The following SIGLEC6 variants were observed in gnomAD, a reference collection of about 807,000 sequenced individuals.
SIGLEC6 encodes sialic acid binding Ig like lectin 6.
In SIGLEC6, 31 loss-of-function variants were observed where a neutral mutation model predicts 41.4. The ratio of observed to expected loss-of-function variants is 0.75; its 90% CI spans 0.56 to 1.01. SIGLEC6 has a LOEUF of 1.01. Among genes scored for constraint, SIGLEC6 ranks in the 50% least tolerant of loss-of-function variants. The pLI is 0.00. For synonymous variants in SIGLEC6, 217 were observed against 231.0 expected (o/e 0.94, Z 0.55); for missense variants, 555 against 558.6 (o/e 0.99, Z 0.06).
In SIGLEC6 at chr19:51,520,026, A is replaced by G. The variant is rs1444050580; in HGVS notation, c.*56T>C. On this transcript the variant is annotated 3_prime_UTR_variant, in exon 8 of 8. Coordinates refer to ENST00000425629, the MANE Select transcript of SIGLEC6 (RefSeq NM_001245.7). ...ATTGCTGTGGCAGCCCTAGTAACCAATACACTGAGAGGTACCATGTTCTCT... is the reference window on the plus strand; with the variant it reads ...ATTGCTGTGGCAGCCCTAGTAACCAGTACACTGAGAGGTACCATGTTCTCT... 1 of 1,434,868 alleles carries G rather than the reference A, an allele frequency of 7.0e-7. No homozygotes were observed. Among genetic ancestry groups the G allele is most frequent in the African/African-American group, 1.4e-5 (1 of 71,816 alleles). The allele number at this position is 1,434,868 out of a possible 1,614,324, so 88.9% of individuals were successfully genotyped here.
intron 7 of SIGLEC6, among the ~76,000 whole-genome samples, chr19:51,524,479 A>C (rs998617731): frequency 1.3e-5 from 2 of 152,266 alleles, no homozygotes; most frequent in African/African-American, 4.8e-5. Context: ...ATTTAACAAA[A>C]TAAATTGTAA....
chr19:51,528,204 A>C lies in SIGLEC6; in HGVS notation c.1062T>G (p.Ala354=). The C allele has an allele frequency of 1.2e-6, 2 of 1,614,064 alleles. No individual in the cohort carries two copies. The highest frequency in any genetic ancestry group is 1.3e-5 in the African/African-American group (1 of 74,990). The change falls in exon 6 of 8, where the codon GCT becomes GCG. Residue 354 remains alanine (A), a synonymous_variant. Coordinates refer to ENST00000425629, the MANE Select transcript of SIGLEC6 (RefSeq NM_001245.7). ...AGGVLGAVWG[A]SITTLVFLCV... ...AGAGGAAAACCAGGGTTGTGATGCT[A>C]GCTCCCCAGACTGCTCCCAGGACAC...
chr19:51,524,783 C>T (rs749903132), intron 7 of SIGLEC6, among the ~76,000 whole-genome samples: 6 of 152,242 alleles, frequency 3.9e-5, no homozygotes, highest in East Asian at 1.9e-4. Context: ...CAGAAGGACA[C>T]GTTGACATTC....
intron 7 of SIGLEC6, among the ~76,000 whole-genome samples, chr19:51,521,551 G>A (rs948983396): frequency 6.6e-6 from 1 of 152,176 alleles, no homozygotes; most frequent in Non-Finnish European, 1.5e-5. Context: ...AATTTCTGCA[G>A]GAGAAATGAC....
In SIGLEC6 at chr19:51,531,364, G is replaced by C; in HGVS notation, c.223C>G (p.Pro75Ala). Residue 75 changes from proline to alanine, a missense_variant, in exon 2 of 8, where the codon CCA becomes GCA. Pro to Ala is a conservative substitution (Grantham distance 27). Coordinates refer to ENST00000425629, the MANE Select transcript of SIGLEC6 (RefSeq NM_001245.7). ...TCGTCTGGGTCGTTTGTGGCCACTG[G>C]AACATCAGCCCCTTCCAGGAACCAG... The part of the protein sequence containing the change: ...GYWFLEGADV[P>A]VATNDPDEEV... 1 of 1,614,166 alleles carries C rather than the reference G, an allele frequency of 6.2e-7. No individual in the cohort carries two copies. Among genetic ancestry groups the C allele is most frequent in the South Asian group, 1.1e-5 (1 of 91,086 alleles).
chr19:51,519,541 T>G lies in SIGLEC6; in HGVS notation c.*541A>C, dbSNP rs1219316432. The stretch of plus-strand genomic sequence containing the variant: ...TGCTCAATAGCTGGCATAGATGGAG[T>G]TGAACTCAGTTCTCTTGGACAGAAG... On this transcript the variant is annotated 3_prime_UTR_variant, in exon 8 of 8. Transcript: ENST00000425629. 6.6e-6 allele frequency: 1 copy of G among 151,992 alleles called. No individual in the cohort carries two copies. Among genetic ancestry groups the G allele is most frequent in the Non-Finnish European group, 1.5e-5 (1 of 68,000 alleles). 9.4% of individuals were successfully genotyped at this position (151,992 alleles called of 1,614,324 possible).
intron 7 of SIGLEC6, among the ~76,000 whole-genome samples, chr19:51,524,041 T>G (rs1978777093): frequency 6.6e-6 from 1 of 151,528 alleles, no homozygotes; most frequent in Admixed American, 6.6e-5. Flanking sequence ...AAAGTAGTAA[T>G]ATTTTAAAAC....
rs1014259848 is a variant in SIGLEC6, at chr19:51,519,092, A to G, written c.*990T>C. 7.9e-5 allele frequency among the ~76,000 whole-genome samples: 12 copies of G among 151,982 alleles called. No individual in the cohort carries two copies. The highest frequency in any genetic ancestry group is 1.2e-4 in the African/African-American group (5 of 41,360). ...GGGCAGATCACGAGGTCAGGAGATC[A>G]AGACCATCCTGGCTAACACGGTGAA... On this transcript the variant is annotated 3_prime_UTR_variant, in exon 8 of 8. Transcript: ENST00000425629.
At chr19:51,525,718 C>T (rs2122370932) in intron 7 of SIGLEC6, among the ~76,000 whole-genome samples, 1 of 152,334 alleles carries the variant, frequency 6.6e-6, no homozygotes, top group Admixed American at 6.5e-5. Context: ...AGTCTCGCTT[C>T]CCTGTGGGAC....
At chr19:51,520,328 G>T in intron 7 of SIGLEC6, 73 bp from the exon 8 acceptor site, 1 of 946,728 alleles carries the variant, frequency 1.1e-6, no homozygotes, top group South Asian at 2.9e-5. Context: ...GATCAGAAAG[G>T]GAGTAGAACT....
At position 51,518,244 on chromosome 19, in the gene SIGLEC6, C is replaced by G. The variant is rs6509548; in HGVS notation, c.*1838G>C. ...TAAAACAACATTTATTTCTCTTAAG[C>G]CATCAAAGACATCTTTCTATTGCAT... On this transcript the variant is annotated 3_prime_UTR_variant, in exon 8 of 8. Transcript: ENST00000425629. Among the ~76,000 whole-genome samples the G allele has an allele frequency of 0.82, 125,544 of 152,210 alleles. 52,381 individuals carry two copies. Among genetic ancestry groups the G allele is most frequent in the African/African-American group, 0.93 (38,532 of 41,558 alleles).
Position 51,529,753 on chromosome 19 carries a change from A to C in SIGLEC6, c.983T>G (p.Leu328Arg), listed in dbSNP as rs757475481. ...TCRAQHPLGS[L>R]QISLSLFVHW... ...CACAAAGAGACTCAGAGAGATTTGC[A>C]GGGAGCCCAGAGGATGCTGAGCACG... Residue 328 changes from leucine (L) to arginine (R), a missense_variant, in exon 5 of 8, where the codon CTG becomes CGG. Physicochemically the swap from Leu to Arg is moderately radical, Grantham distance 102. Coordinates refer to ENST00000425629, the MANE Select transcript of SIGLEC6 (RefSeq NM_001245.7). The C allele has an allele frequency of 6.2e-7, 1 of 1,614,050 alleles. No homozygotes were observed. The highest frequency in any genetic ancestry group is 2.2e-5 in the East Asian group (1 of 44,888).
rs1024800002 is a variant in SIGLEC6 at position 51,518,991 on chromosome 19, C to T, written c.*1091G>A. On this transcript the variant is annotated 3_prime_UTR_variant, in exon 8 of 8. Transcript: ENST00000425629. ...CTTAGAAGAAATTGCCAGCAGAAAC[C>T]GTCTGTTAAAACAGCTAATCAAAGC... is the stretch of plus-strand genomic sequence containing the variant. 2.6e-5 allele frequency among the ~76,000 whole-genome samples: 4 copies of T among 152,084 alleles called. No homozygotes were observed. The highest frequency in any genetic ancestry group is 1.3e-4 in the Admixed American group (2 of 15,272).
chr19:51,523,116 G>A (rs1367176962), intron 7 of SIGLEC6, among the ~76,000 whole-genome samples: 1 of 152,084 alleles, frequency 6.6e-6, no homozygotes, highest in Non-Finnish European at 1.5e-5. Flanking sequence ...CTCCAGCCTG[G>A]GCGACAGAGT....
At chr19:51,528,998 T>C (rs1979712197) in intron 5 of SIGLEC6, among the ~76,000 whole-genome samples, 1 of 18,526 alleles carries the variant, frequency 5.4e-5, no homozygotes, top group Non-Finnish European at 1.1e-4. Flanking sequence ...TGAGACCCTC[T>C]CTCAAAAAAA....
At position 51,518,051 on chromosome 19, in the gene SIGLEC6, T is replaced by C. The variant is rs1990660073; in HGVS notation, c.*2031A>G. On this transcript the variant is annotated 3_prime_UTR_variant, in exon 8 of 8. Transcript: ENST00000425629. ...TACTTTCCTAGGTTTTCATTTTTTT[T>C]GGATCTCAAAAATCTAATCTGGGAT... Among the ~76,000 whole-genome samples, 1 of 152,326 alleles carries C rather than the reference T, an allele frequency of 6.6e-6. No individual in the cohort carries two copies. Among genetic ancestry groups the C allele is most frequent in the East Asian group, 1.9e-4 (1 of 5,188 alleles).
Position 51,519,205 on chromosome 19 carries a change from G to T in SIGLEC6, c.*877C>A, listed in dbSNP as rs1990720989. 6.8e-6 allele frequency among the ~76,000 whole-genome samples: 1 copy of T among 147,436 alleles called. No individual in the cohort carries two copies. Among genetic ancestry groups the T allele is most frequent in the Non-Finnish European group, 1.5e-5 (1 of 67,232 alleles). ...AGCTACTTGGGAGGCTGAGGCAGGA[G>T]AATGGTGTGAACCCAGGGGGCGAAG... is the stretch of plus-strand genomic sequence containing the variant. On this transcript the variant is annotated 3_prime_UTR_variant, in exon 8 of 8. Coordinates refer to ENST00000425629, the MANE Select transcript of SIGLEC6 (RefSeq NM_001245.7).
chr19:51,522,853 G>T (rs1978514457), intron 7 of SIGLEC6, among the ~76,000 whole-genome samples: 1 of 152,000 alleles, frequency 6.6e-6, no homozygotes, highest in African/African-American at 2.4e-5. Flanking sequence ...ATAAAGAACT[G>T]GGCTGGGTGT....
At position 51,531,666 on chromosome 19, in the gene SIGLEC6, G is replaced by T. The variant is rs746085800; in HGVS notation, c.-18C>A. 6.3e-7 allele frequency: 1 copy of T among 1,576,552 alleles called. No individual in the cohort carries two copies. Among genetic ancestry groups the T allele is most frequent in the Non-Finnish European group, 8.6e-7 (1 of 1,162,272 alleles). On this transcript the variant is annotated 5_prime_UTR_variant, in exon 1 of 8. Coordinates refer to ENST00000425629, the MANE Select transcript of SIGLEC6 (RefSeq NM_001245.7). Reference sequence around the variant, plus strand: ...CCCTGCATGAGCAGAGAAGGGGAAGGGAGTGGAGGGGAAGGACTGCGGGGA... The same window carrying T: ...CCCTGCATGAGCAGAGAAGGGGAAGTGAGTGGAGGGGAAGGACTGCGGGGA...
Sources: allele counts gnomAD v4.1 joint callset (sites outside exome capture counted in the v4.1 genomes callset), GRCh38; gene constraint gnomAD v4.1.1; transcripts MANE v1.5; gene names NCBI Gene and HGNC (gene_info 2026-07-23, HGNC 2026-07-21).